TF: variants seen among roughly 807,000 people sequenced by gnomAD.
The protein encoded by TF is serotransferrin.
Under a neutral mutation model 82.4 loss-of-function variants are expected in TF, and 55 were observed. The observed-to-expected ratio is 0.67, with a 90% CI of 0.54 to 0.84. The LOEUF (loss-of-function observed/expected upper bound fraction) is 0.84. TF is among the 40% of genes least tolerant of loss of function. The pLI, the probability that TF is intolerant of heterozygous loss-of-function variation, is 0.00. For missense variants in TF, 737 were observed against 868.4 expected (o/e 0.85, Z 1.90); for synonymous variants, 332 against 332.6 (o/e 1.00, Z 0.02).
In TF at chr3:133,794,056, T is replaced by G. The variant is rs571861523; in HGVS notation, c.*15436T>G. On this transcript the variant is annotated 3_prime_UTR_variant, in exon 17 of 17. Coordinates refer to ENST00000402696, the MANE Select transcript of TF (RefSeq NM_001063.4). ...ATCATTTAAATCAAATTACCTATGA[T>G]AACCCATCAGTTATCAGTGTTATGC... 1.3e-5 allele frequency: 2 copies of G among 152,342 alleles called. No homozygotes were observed. The highest frequency in any genetic ancestry group is 4.8e-5 in the African/African-American group (2 of 41,582). The allele number at this position is 152,342 out of a possible 1,614,324, so 9.4% of individuals were successfully genotyped here.
At chr3:133,724,273 C>A in the TF span, among the ~76,000 whole-genome samples, 3 of 152,214 alleles carry the variant, frequency 2.0e-5, no homozygotes, top group Non-Finnish European at 4.4e-5. Flanking sequence ...GTTCCACCAA[C>A]AGTGTAAAAG....
rs775930681 is a variant in TF at position 133,746,531 on chromosome 3, T to C, written c.43+48T>C. On this transcript the variant is annotated intron_variant, in intron 1 of 16. Transcript: ENST00000402696. ...ACCGCAGAGTCGCTGGCCCGCGCGTTCCCTGCAACCCGGGCGGCCACCGCG... is the reference window on the plus strand; with the variant it reads ...ACCGCAGAGTCGCTGGCCCGCGCGTCCCCTGCAACCCGGGCGGCCACCGCG... 5 of 1,563,822 alleles carry C rather than the reference T, an allele frequency of 3.2e-6. No individual in the cohort carries two copies. The Admixed American group carries it at 9.0e-5, about 28-fold the overall frequency.
Position 133,789,580 on chromosome 3 carries a change from A to C in TF, c.*10960A>C, listed in dbSNP as rs907968502. ...TGTGTGTGTGTATACACATGTCTAG[A>C]TGTGTTTATTTGCACATTTGTTATA... On this transcript the variant is annotated 3_prime_UTR_variant, in exon 17 of 17. Coordinates refer to ENST00000402696, the MANE Select transcript of TF (RefSeq NM_001063.4). 2 of 152,194 alleles carry C rather than the reference A, an allele frequency of 1.3e-5. No homozygotes were observed. The highest frequency in any genetic ancestry group is 2.9e-5 in the Non-Finnish European group (2 of 68,040). 9.4% of individuals were successfully genotyped at this position (152,194 alleles called of 1,614,324 possible). A position where few individuals can be genotyped will look rare whatever the true frequency, so the allele number is the denominator to read the frequency against.
At chr3:133,749,826 C>A (rs1933610868) in intron 2 of TF, among the ~76,000 whole-genome samples, 1 of 152,052 alleles carries the variant, frequency 6.6e-6, no homozygotes, top group South Asian at 2.1e-4. Context: ...GAGCTAGGCT[C>A]CATTCTGATT....
the TF span, among the ~76,000 whole-genome samples, chr3:133,667,194 GT>G: frequency 1.3e-5 from 2 of 150,958 alleles, no homozygotes; most frequent in African/African-American, 4.9e-5. Flanking sequence ...AAGTTTTGTT[GT>G]TTTTTTTTAA....
At chr3:133,715,125 T>C in the TF span, among the ~76,000 whole-genome samples, 1,034 of 152,328 alleles carry the variant, frequency 6.8e-3, 9 homozygotes, top group African/African-American at 0.024. Flanking sequence ...CCAGCCTGGC[T>C]GGTTTCCCTT....
At chr3:133,743,116 G>T (rs759700410), upstream of TF, among the ~76,000 whole-genome samples, 4 of 152,206 alleles carry the variant, frequency 2.6e-5, no homozygotes, top group Non-Finnish European at 5.9e-5. Flanking sequence ...GATTTAGGAA[G>T]TTTGAGTTCA....
intron 9 of TF, among the ~76,000 whole-genome samples, chr3:133,763,440 G>A (rs1934045775): frequency 6.6e-6 from 1 of 152,192 alleles, no homozygotes; most frequent in Non-Finnish European, 1.5e-5. Context: ...TAGCATGGAT[G>A]TGCTTCCACT....
chr3:133,767,136 G>T (rs1381449733), intron 12 of TF, among the ~76,000 whole-genome samples: 1 of 152,160 alleles, frequency 6.6e-6, no homozygotes, highest in East Asian at 1.9e-4. Context: ...TCTTCATGGT[G>T]TTGGCAATCT....
rs1934529142 is a variant in TF at position 133,782,200 on chromosome 3, G to A, written c.*3580G>A. ...CAGAAAACCTTTGTGCATTGTTGGT[G>A]AGAATGTACAGCCATTGTGGAAAAC... On this transcript the variant is annotated 3_prime_UTR_variant, in exon 17 of 17. Coordinates refer to ENST00000402696, the MANE Select transcript of TF (RefSeq NM_001063.4). The A allele has an allele frequency of 6.6e-6, 1 of 152,192 alleles. No individual in the cohort carries two copies. Among genetic ancestry groups the A allele is most frequent in the African/African-American group, 2.4e-5 (1 of 41,452 alleles). 9.4% of individuals were successfully genotyped at this position (152,192 alleles called of 1,614,324 possible).
In TF at chr3:133,757,848, C is replaced by T; in HGVS notation, c.950C>T (p.Ser317Phe). ...GGGAAGGACCTGCTGTTTAAGGACT[C>T]TGCCCACGGGTTTTTAAAAGTCCCC... Reference protein sequence around the residue: ...PHGKDLLFKDSAHGFLKVPPR... With the variant: ...PHGKDLLFKDFAHGFLKVPPR... Residue 317 changes from serine (S) to phenylalanine (F), a missense_variant, in exon 8 of 17, where the codon TCT becomes TTT. Coordinates refer to ENST00000402696, the MANE Select transcript of TF (RefSeq NM_001063.4). The T allele has an allele frequency of 6.2e-7, 1 of 1,614,230 alleles. No individual in the cohort carries two copies. Among genetic ancestry groups the T allele is most frequent in the Non-Finnish European group, 8.5e-7 (1 of 1,180,028 alleles).
Position 133,757,896 on chromosome 3 carries a change from A to G in TF, c.998A>G (p.Tyr333Cys). ...CCCCCCAGGATGGATGCCAAGATGT[A>G]CCTGGGCTATGAGTATGTCACTGCC... is the stretch of plus-strand genomic sequence containing the variant. ...KVPPRMDAKM[Y>C]LGYEYVTAIR... The change falls in exon 8 of 17, where the codon TAC becomes TGC. Residue 333 changes from tyrosine to cysteine, a missense_variant. Transcript: ENST00000402696. 1 of 1,614,194 alleles carries G rather than the reference A, an allele frequency of 6.2e-7. No homozygotes were observed. Among genetic ancestry groups the G allele is most frequent in the Non-Finnish European group, 8.5e-7 (1 of 1,180,044 alleles).
upstream of TF, among the ~76,000 whole-genome samples, chr3:133,741,356 A>G (rs1933385836): frequency 6.6e-6 from 1 of 152,156 alleles, no homozygotes; most frequent in Non-Finnish European, 1.5e-5. Flanking sequence ...ACAATTTATT[A>G]TGCATAAAGA....
At chr3:133,723,637 T>TTATTA in the TF span, among the ~76,000 whole-genome samples, 280 of 143,570 alleles carry the variant, frequency 2.0e-3, 1 homozygote, top group Admixed American at 7.6e-3. Flanking sequence ...GTTTGGTTCT[T>TTATTA]TTATTATTAT....
the TF span, among the ~76,000 whole-genome samples, chr3:133,689,256 A>C: frequency 6.6e-6 from 1 of 152,092 alleles, no homozygotes; most frequent in Non-Finnish European, 1.5e-5. Context: ...CCCAGGAGGC[A>C]GAGGTTGCAG....
At chr3:133,680,533 C>CTT in the TF span, among the ~76,000 whole-genome samples, 43,554 of 145,136 alleles carry the variant, frequency 0.3, 6,814 homozygotes, top group East Asian at 0.48. Context: ...CTTTTCTTTT[C>CTT]TTTTTTTTTT....
intron 9 of TF, chr3:133,761,179 C>T (rs905160442): frequency 9.4e-5 from 20 of 212,300 alleles, no homozygotes. Flanking sequence ...CATCATCTCG[C>T]ATAGAAACAT....
At chr3:133,676,338 G>A in the TF span, among the ~76,000 whole-genome samples, 3 of 152,128 alleles carry the variant, frequency 2.0e-5, no homozygotes, top group Admixed American at 1.3e-4. Flanking sequence ...GAGTTACACC[G>A]GTAAAAATCT....
At chr3:133,698,986 C>T in the TF span, among the ~76,000 whole-genome samples, 1 of 152,216 alleles carries the variant, frequency 6.6e-6, no homozygotes, top group Non-Finnish European at 1.5e-5. Flanking sequence ...GGACCTGGGC[C>T]ATCTTGGCAT....
Sources: gnomAD v4.1 joint callset for allele counts (sites outside exome capture counted in the v4.1 genomes callset) on GRCh38, gnomAD v4.1.1 for gene constraint, MANE v1.5 for transcripts, NCBI Gene and HGNC (gene_info 2026-07-23, HGNC 2026-07-21) for gene names.